The following TMEM132B variants were observed in gnomAD, a reference collection of about 807,000 sequenced individuals.
TMEM132B encodes the protein transmembrane protein 132B.
TMEM132B carries 18 observed loss-of-function variants against 90.8 expected under a neutral mutation model. That is an observed-to-expected ratio of 0.20 (90% CI 0.14 to 0.29). The LOEUF (loss-of-function observed/expected upper bound fraction) is 0.29, where lower values mean the gene tolerates loss of function less well. TMEM132B is among the 10% of genes least tolerant of loss of function. The pLI, the probability that TMEM132B is intolerant of heterozygous loss-of-function variation, is 1.00. For missense variants in TMEM132B, 1,096 were observed against 1,326.8 expected, an observed-to-expected ratio of 0.83 and a Z score of 2.70; for synonymous variants, 504 against 523.3, an observed-to-expected ratio of 0.96 and a Z score of 0.50.
intron 1 of TMEM132B, among the ~76,000 whole-genome samples, chr12:125,261,945 G>A (rs1232833550): frequency 6.6e-6 from 1 of 152,076 alleles, no homozygotes; most frequent in Non-Finnish European, 1.5e-5. Context: ...ATCCTCCAAC[G>A]TCGGCCTCCC....
intron 1 of TMEM132B, among the ~76,000 whole-genome samples, chr12:125,192,237 A>G (rs1872811554): frequency 6.6e-6 from 1 of 152,164 alleles, no homozygotes; most frequent in Non-Finnish European, 1.5e-5. Flanking sequence ...CCAGAGAGGC[A>G]ATGTGAGGTT....
chr12:125,367,191 T>C (rs1252818559), intron 2 of TMEM132B, among the ~76,000 whole-genome samples: 1 of 152,204 alleles, frequency 6.6e-6, no homozygotes, highest in African/African-American at 2.4e-5. Context: ...CTTTTCACTC[T>C]GGAATGGGTC....
chr12:125,579,479 A>G (rs1484801929), intron 4 of TMEM132B, among the ~76,000 whole-genome samples: 2 of 151,292 alleles, frequency 1.3e-5, no homozygotes, highest in Non-Finnish European at 2.9e-5. Context: ...CTCCTGCCTT[A>G]GCCTCCGAAG....
intron 1 of TMEM132B, among the ~76,000 whole-genome samples, chr12:125,298,123 G>T (rs1875716249): frequency 6.6e-6 from 1 of 152,132 alleles, no homozygotes; most frequent in Non-Finnish European, 1.5e-5. Flanking sequence ...GGGCAAGGTG[G>T]CGCGAGCCTG....
chr12:125,432,096 G>A (rs1286146571), intron 3 of TMEM132B, among the ~76,000 whole-genome samples: 2 of 151,900 alleles, frequency 1.3e-5, no homozygotes, highest in African/African-American at 4.8e-5. Flanking sequence ...TGTTGGTGGG[G>A]TGTGACAGGG....
At chr12:125,220,055 C>T (rs1468666044) in intron 1 of TMEM132B, among the ~76,000 whole-genome samples, 1 of 152,202 alleles carries the variant, frequency 6.6e-6, no homozygotes, top group Non-Finnish European at 1.5e-5. Context: ...CTGTCCCATC[C>T]CCTGAGCTCC....
intron 1 of TMEM132B, among the ~76,000 whole-genome samples, chr12:125,248,777 G>A (rs974653492): frequency 2.0e-5 from 3 of 152,154 alleles, no homozygotes; most frequent in African/African-American, 7.2e-5. Context: ...AGTTGTAGTC[G>A]ATTTTGGGCC....
chr12:125,277,778 G>A lies in TMEM132B; in HGVS notation c.68-71674G>A, dbSNP rs936204769. On this transcript the variant is annotated intron_variant, in intron 1 of 8. Coordinates refer to ENST00000682704, the MANE Select transcript of TMEM132B (RefSeq NM_001366854.1). The surrounding 1 kb of genome is among the most constrained non-coding windows in gnomAD (Gnocchi z 4.3). ...CCATTTGTGGTAATTTGTTGTGGCA[G>A]CTCTGGGGAGCTAACAACGACGTTA... is the stretch of plus-strand genomic sequence containing the variant. Among the ~76,000 whole-genome samples, 7 of 152,332 alleles carry A rather than the reference G, an allele frequency of 4.6e-5. No individual in the cohort carries two copies. Among genetic ancestry groups the A allele is most frequent in the Middle Eastern group, 3.4e-3 (1 of 294 alleles).
intron 3 of TMEM132B, among the ~76,000 whole-genome samples, chr12:125,457,149 G>T (rs1881312997): frequency 6.6e-6 from 1 of 152,190 alleles, no homozygotes; most frequent in South Asian, 2.1e-4. Flanking sequence ...TGATAAAGCT[G>T]CATGTACAGC....
chr12:125,201,703 G>A (rs998744248), intron 1 of TMEM132B, among the ~76,000 whole-genome samples: 1 of 152,204 alleles, frequency 6.6e-6, no homozygotes, highest in Non-Finnish European at 1.5e-5. Flanking sequence ...TCTGTGAATG[G>A]GGAGAAGAGG....
At chr12:125,255,994 CT>C (rs796562422) in intron 1 of TMEM132B, among the ~76,000 whole-genome samples, 9 of 151,140 alleles carry the variant, frequency 6.0e-5, no homozygotes, top group Admixed American at 2.0e-4. Flanking sequence ...TTGTGTGTCG[CT>C]TTTTTTTTAA....
chr12:125,467,722 C>A (rs1431382833), intron 3 of TMEM132B, among the ~76,000 whole-genome samples: 2 of 152,336 alleles, frequency 1.3e-5, no homozygotes, highest in Non-Finnish European at 2.9e-5. Context: ...TATTTCGTCA[C>A]CCTGTAAAAA....
rs1339030734 is a variant in TMEM132B at position 125,389,055 on chromosome 12, C to CACAA, written c.960-26475_960-26474insCAAA. Among the ~76,000 whole-genome samples the CACAA allele has an allele frequency of 2.8e-3, 400 of 143,640 alleles. 4 individuals are homozygous for CACAA. Among genetic ancestry groups the CACAA allele is most frequent in the African/African-American group, 9.5e-3 (373 of 39,314 alleles). The allele number at this position is 143,640 out of a possible 152,430, so 94.2% of individuals were successfully genotyped here. On this transcript the variant is annotated intron_variant, in intron 2 of 8. Transcript: ENST00000682704. ...ACACACACACACACACACACACACA[C>CACAA]AAACACACAAGATTGATAAATCTAG...
chr12:125,653,507 GT>G, intron 8 of TMEM132B, 57 bp from the exon 9 acceptor site: 1 of 1,509,980 alleles, frequency 6.6e-7, no homozygotes, highest in Non-Finnish European at 8.9e-7. Flanking sequence ...TTATACTTAT[GT>G]TTTCAAATGT....
intron 1 of TMEM132B, among the ~76,000 whole-genome samples, chr12:125,250,527 G>T (rs147608157): frequency 4.7e-4 from 71 of 152,178 alleles, no homozygotes; most frequent in African/African-American, 1.5e-3. Context: ...AGGATCCTGC[G>T]CAGTCTCCAG....
At chr12:125,293,192 C>T (rs566272211) in intron 1 of TMEM132B, among the ~76,000 whole-genome samples, 1 of 152,366 alleles carries the variant, frequency 6.6e-6, no homozygotes, top group South Asian at 2.1e-4. Context: ...GTCAGACTCC[C>T]TGTTCACCTG....
chr12:125,435,441 G>T (rs781148206), intron 3 of TMEM132B, among the ~76,000 whole-genome samples: 2 of 152,114 alleles, frequency 1.3e-5, no homozygotes, highest in Admixed American at 6.5e-5. Context: ...TTCTGCAGGG[G>T]GAGGGGTTAG....
intron 1 of TMEM132B, among the ~76,000 whole-genome samples, chr12:125,210,002 C>T (rs1246193050): frequency 6.6e-6 from 1 of 152,164 alleles, no homozygotes; most frequent in African/African-American, 2.4e-5. Context: ...CAGGCAGCAT[C>T]CAGACTCTGG....
intron 5 of TMEM132B, among the ~76,000 whole-genome samples, chr12:125,627,942 C>T (rs1031119304): frequency 6.6e-6 from 1 of 152,178 alleles, no homozygotes; most frequent in Non-Finnish European, 1.5e-5. Context: ...AGCTTATTCA[C>T]TTAAGATAAA....
Sources: gnomAD v4.1 joint callset for allele counts (sites outside exome capture counted in the v4.1 genomes callset) on GRCh38, gnomAD v4.1.1 for gene constraint, Gnocchi (gnomAD v3.1) non-coding constraint, MANE v1.5 for transcripts, NCBI Gene and HGNC (gene_info 2026-07-23, HGNC 2026-07-21) for gene names.